The following EFNA5 variants were observed in gnomAD, a reference collection of about 807,000 sequenced individuals.
EFNA5 encodes ephrin-A5.
A neutral mutation model predicts 22.9 loss-of-function variants in EFNA5; 5 were observed. The observed-to-expected ratio is 0.22, with a 90% CI of 0.11 to 0.46. The LOEUF (loss-of-function observed/expected upper bound fraction) is 0.46, where lower values mean the gene tolerates loss of function less well. Ranked by LOEUF, EFNA5 falls within the 20% of genes least tolerant of loss-of-function variation. The pLI is 0.99. For missense variants in EFNA5, 237 were observed against 293.3 expected, an observed-to-expected ratio of 0.81 and a Z score of 1.40; for synonymous variants, 113 against 112.2, an observed-to-expected ratio of 1.01 and a Z score of -0.04.
intron 1 of EFNA5, among the ~76,000 whole-genome samples, chr5:107,464,241 G>T (rs985774040): frequency 6.6e-6 from 1 of 152,078 alleles, no homozygotes; most frequent in Non-Finnish European, 1.5e-5. Context: ...AGGAAGCTTT[G>T]GTCCACTCTC....
chr5:107,622,440 A>G (rs549980664), intron 1 of EFNA5, among the ~76,000 whole-genome samples: 1 of 152,344 alleles, frequency 6.6e-6, no homozygotes, highest in South Asian at 2.1e-4. Context: ...CAAAAATATG[A>G]AGCTATGGTT....
chr5:107,579,632 T>C (rs1749000516), intron 1 of EFNA5, among the ~76,000 whole-genome samples: 1 of 111,712 alleles, frequency 9.0e-6, no homozygotes, highest in Non-Finnish European at 1.9e-5. Context: ...TATAGTCCTT[T>C]TCTCTCTCTC....
intron 1 of EFNA5, among the ~76,000 whole-genome samples, chr5:107,654,885 A>C (rs1412631917): frequency 6.6e-6 from 1 of 152,130 alleles, no homozygotes; most frequent in Non-Finnish European, 1.5e-5. Context: ...TCTAGCCTTT[A>C]GTACATTATT....
intron 1 of EFNA5, among the ~76,000 whole-genome samples, chr5:107,625,890 G>C (rs913848129): frequency 6.6e-6 from 1 of 152,156 alleles, no homozygotes; most frequent in Non-Finnish European, 1.5e-5. Context: ...ACATAGTTAA[G>C]TTGGTTTTCT....
Position 107,377,797 on chromosome 5 carries a change from A to G in EFNA5, c.*3458T>C, listed in dbSNP as rs1303081530. The G allele has an allele frequency of 1.3e-5, 2 of 152,270 alleles. No homozygotes were observed. Among genetic ancestry groups the G allele is most frequent in the African/African-American group, 4.8e-5 (2 of 41,466 alleles). The allele number at this position is 152,270 out of a possible 1,614,324, so 9.4% of individuals were successfully genotyped here. A position where few individuals can be genotyped will look rare whatever the true frequency, so the allele number is the denominator to read the frequency against. Reference sequence around the variant, plus strand: ...AGAAAACCAAACCAAACCAAAGTACAGAACTGTTTCTAAATTCCCTATCCT... The same window carrying G: ...AGAAAACCAAACCAAACCAAAGTACGGAACTGTTTCTAAATTCCCTATCCT... On this transcript the variant is annotated 3_prime_UTR_variant, in exon 5 of 5. Coordinates refer to ENST00000333274, the MANE Select transcript of EFNA5 (RefSeq NM_001962.3).
rs557730607 is a variant in EFNA5, at chr5:107,422,816, C to G, written c.418+4401G>C. Among the ~76,000 whole-genome samples the G allele has an allele frequency of 3.9e-5, 6 of 152,282 alleles. No individual in the cohort carries two copies. The South Asian group carries it at 1.2e-3, about 32-fold the overall frequency. On this transcript the variant is annotated intron_variant, in intron 2 of 4. Coordinates refer to ENST00000333274, the MANE Select transcript of EFNA5 (RefSeq NM_001962.3). Reference sequence around the variant, plus strand: ...AGCTCTGAGGCTGTGAGGCACTGCTCTGTCAGTGCCATGAGTGGGGAAAAC... The same window carrying G: ...AGCTCTGAGGCTGTGAGGCACTGCTGTGTCAGTGCCATGAGTGGGGAAAAC...
intron 2 of EFNA5, among the ~76,000 whole-genome samples, chr5:107,426,650 G>C (rs747921558): frequency 6.6e-6 from 1 of 152,170 alleles, no homozygotes; most frequent in Non-Finnish European, 1.5e-5. Flanking sequence ...TCGGAAACTC[G>C]CTCATACCAG....
At chr5:107,559,025 G>A (rs893658360) in intron 1 of EFNA5, among the ~76,000 whole-genome samples, 9 of 152,206 alleles carry the variant, frequency 5.9e-5, no homozygotes, top group Admixed American at 3.9e-4. Flanking sequence ...CCAGATGGGC[G>A]CTTAGATGAC....
intron 1 of EFNA5, among the ~76,000 whole-genome samples, chr5:107,516,679 G>A (rs1747488556): frequency 1.3e-5 from 2 of 152,290 alleles, no homozygotes; most frequent in African/African-American, 4.8e-5. Context: ...AGCTTATGAT[G>A]ATGGTGATGA....
At chr5:107,401,696 A>G (rs1319861803) in intron 2 of EFNA5, among the ~76,000 whole-genome samples, 1 of 152,112 alleles carries the variant, frequency 6.6e-6, no homozygotes, top group Non-Finnish European at 1.5e-5. Context: ...CACTCTATAT[A>G]TTGGGGAAAT....
chr5:107,577,957 T>C (rs970254472), intron 1 of EFNA5, among the ~76,000 whole-genome samples: 3 of 152,198 alleles, frequency 2.0e-5, no homozygotes, highest in Non-Finnish European at 4.4e-5. Flanking sequence ...TGGCATTTTT[T>C]TCCTTAACTG....
At chr5:107,660,289 T>A (rs1263170478) in intron 1 of EFNA5, among the ~76,000 whole-genome samples, 1 of 114,614 alleles carries the variant, frequency 8.7e-6, no homozygotes, top group African/African-American at 3.4e-5. Flanking sequence ...TATATATATA[T>A]ATATATATAT....
At chr5:107,474,067 C>A (rs1750215709) in intron 1 of EFNA5, among the ~76,000 whole-genome samples, 1 of 145,988 alleles carries the variant, frequency 6.8e-6, no homozygotes, top group Non-Finnish European at 1.5e-5. Flanking sequence ...AATTTCGGCC[C>A]TGTACACTTG....
chr5:107,415,983 T>C (rs1220789495), intron 2 of EFNA5, among the ~76,000 whole-genome samples: 1 of 152,182 alleles, frequency 6.6e-6, no homozygotes, highest in Non-Finnish European at 1.5e-5. Flanking sequence ...ATTGATTCTG[T>C]TAATGAAATT....
At chr5:107,412,107 T>C (rs562417934) in intron 2 of EFNA5, among the ~76,000 whole-genome samples, 2 of 152,336 alleles carry the variant, frequency 1.3e-5, no homozygotes, top group African/African-American at 2.4e-5. Flanking sequence ...TAAAGTCATC[T>C]ACAAATAAGG....
chr5:107,501,908 TTC>T (rs1747144996), intron 1 of EFNA5, among the ~76,000 whole-genome samples: 1 of 152,214 alleles, frequency 6.6e-6, no homozygotes, highest in Non-Finnish European at 1.5e-5. Flanking sequence ...CTGTGAAATT[TTC>T]TCTGATTTAA....
intron 2 of EFNA5, among the ~76,000 whole-genome samples, chr5:107,396,024 G>A (rs1374292208): frequency 2.0e-5 from 3 of 152,124 alleles, no homozygotes; most frequent in African/African-American, 4.8e-5. Flanking sequence ...TTCCTCATTC[G>A]TAAGATATTA....
intron 1 of EFNA5, among the ~76,000 whole-genome samples, chr5:107,463,966 T>G (rs1749905541): frequency 6.6e-6 from 1 of 152,208 alleles, no homozygotes; most frequent in South Asian, 2.1e-4. Context: ...CACAGTTTAC[T>G]CTGTATGACA....
intron 1 of EFNA5, among the ~76,000 whole-genome samples, chr5:107,496,355 A>AAAAAAAAAC (rs1561412638): frequency 7.1e-6 from 1 of 140,670 alleles, no homozygotes; most frequent in African/African-American, 2.6e-5. Flanking sequence ...AAAAAAAAAC[A>AAAAAAAAAC]AAAAAACAAA....
Sources: gnomAD v4.1 joint callset for allele counts (sites outside exome capture counted in the v4.1 genomes callset) on GRCh38, gnomAD v4.1.1 for gene constraint, MANE v1.5 for transcripts, NCBI Gene and HGNC (gene_info 2026-07-23, HGNC 2026-07-21) for gene names.